PLA1A: variants seen among roughly 807,000 people sequenced by gnomAD.
PLA1A encodes phosphatidylserine-specific phospholipase A1alpha.
PLA1A carries 47 observed loss-of-function variants against 49.4 expected under a neutral mutation model. The observed-to-expected ratio is 0.95, with a 90% CI of 0.75 to 1.21. The LOEUF is 1.21. Among genes scored for constraint, PLA1A ranks in the 50% most tolerant of loss-of-function variants. PLA1A has a pLI of 0.00. For synonymous variants in PLA1A, 224 were observed against 207.9 expected (o/e 1.08, Z -0.67); for missense variants, 561 against 563.9 (o/e 0.99, Z 0.05).
At position 119,602,533 on chromosome 3, in the gene PLA1A, G is replaced by T. The variant is rs559706913; in HGVS notation, c.74-4241G>T. 7.2e-5 allele frequency among the ~76,000 whole-genome samples: 11 copies of T among 151,798 alleles called. No homozygotes were observed. In the South Asian group the frequency reaches 2.3e-3, roughly 32 times the overall value. On this transcript the variant is annotated intron_variant, in intron 1 of 10. Transcript: ENST00000273371. ...TATTGTTTACTTTTAACTTCCCTTT[G>T]TTCTGTTACTCTGTCTTATCAAAAG...
chr3:119,627,884 C>T (rs943505043), intron 9 of PLA1A, among the ~76,000 whole-genome samples: 1 of 152,192 alleles, frequency 6.6e-6, no homozygotes, highest in Admixed American at 6.5e-5. Flanking sequence ...TCTCCAGTAC[C>T]TAGTACCTAG....
chr3:119,628,653 G>T, intron 9 of PLA1A, 48 bp from the exon 10 acceptor site: 2 of 1,573,086 alleles, frequency 1.3e-6, no homozygotes, highest in Non-Finnish European at 1.7e-6. Flanking sequence ...GGAAGTACAG[G>T]TGGTAAGGGC....
At chr3:119,598,960 T>G (rs75818941) in intron 1 of PLA1A, among the ~76,000 whole-genome samples, 2,846 of 152,210 alleles carry the variant, frequency 0.019, 76 homozygotes, top group African/African-American at 0.064. Context: ...CTACCTCAAT[T>G]AGTTGTCCCT....
chr3:119,608,275 AG>A (rs1340877770), intron 2 of PLA1A, among the ~76,000 whole-genome samples: 1 of 151,674 alleles, frequency 6.6e-6, no homozygotes, highest in East Asian at 1.9e-4. Context: ...AAAGAAAGAA[AG>A]AAAGAAAGAA....
At chr3:119,609,233 C>T (rs569885004) in intron 3 of PLA1A, among the ~76,000 whole-genome samples, 1 of 151,990 alleles carries the variant, frequency 6.6e-6, no homozygotes, top group Admixed American at 6.5e-5. Context: ...TGGCCATGGT[C>T]GTTACTCACA....
At chr3:119,616,828 T>C (rs563927469) in intron 6 of PLA1A, among the ~76,000 whole-genome samples, 1 of 152,388 alleles carries the variant, frequency 6.6e-6, no homozygotes, top group Non-Finnish European at 1.5e-5. Flanking sequence ...TAAAATAGGA[T>C]AGTTTGGTTT....
At chr3:119,614,885 G>A (rs1577146549) in intron 5 of PLA1A, among the ~76,000 whole-genome samples, 1 of 152,216 alleles carries the variant, frequency 6.6e-6, no homozygotes, top group Admixed American at 6.5e-5. Context: ...GAGTCATGAA[G>A]GGAAGCCCGG....
At chr3:119,619,418 C>T (rs76752760) in intron 7 of PLA1A, 145 bp from the exon 8 acceptor site, 24,556 of 674,424 alleles carry the variant, frequency 0.036, 604 homozygotes, top group Non-Finnish European at 0.048. Flanking sequence ...CCAGGACTCA[C>T]CTTAGAATAC....
intron 9 of PLA1A, among the ~76,000 whole-genome samples, chr3:119,628,291 T>C (rs2052572700): frequency 6.6e-6 from 1 of 152,230 alleles, no homozygotes; most frequent in South Asian, 2.1e-4. Flanking sequence ...CACACATTCA[T>C]ACTTAGCCTA....
At chr3:119,613,479 AG>A (rs1245217360) in intron 5 of PLA1A, among the ~76,000 whole-genome samples, 2 of 152,236 alleles carry the variant, frequency 1.3e-5, no homozygotes, top group Non-Finnish European at 2.9e-5. Context: ...AAGATTTTTT[AG>A]GATGGGTGTG....
chr3:119,598,303 TC>T (rs1026464133), intron 1 of PLA1A, among the ~76,000 whole-genome samples: 1 of 152,200 alleles, frequency 6.6e-6, no homozygotes, highest in Non-Finnish European at 1.5e-5. Flanking sequence ...TATTCATTTT[TC>T]ACCCCATAAA....
intron 1 of PLA1A, among the ~76,000 whole-genome samples, chr3:119,604,716 T>C (rs1463850869): frequency 2.6e-5 from 4 of 152,200 alleles, no homozygotes; most frequent in Non-Finnish European, 1.5e-5. Flanking sequence ...TTCTTTTACC[T>C]GAATATAAAA....
In PLA1A at chr3:119,629,498, A is replaced by ATATTTTTTTT; in HGVS notation, c.*31_*32insATTTTTTTTT. The ATATTTTTTTT allele has an allele frequency of 2.3e-6, 2 of 876,098 alleles. No individual in the cohort carries two copies. Among genetic ancestry groups the ATATTTTTTTT allele is most frequent in the Non-Finnish European group, 3.5e-6 (2 of 566,666 alleles). The allele number at this position is 876,098 out of a possible 1,614,324, so 54.3% of individuals were successfully genotyped here. A position where few individuals can be genotyped will look rare whatever the true frequency, so the allele number is the denominator to read the frequency against. On this transcript the variant is annotated 3_prime_UTR_variant, in exon 11 of 11. Transcript: ENST00000273371. ...ACCTGGGCAGGACACATCTCCCTGC[A>ATATTTTTTTT]TTTTTTTTTTTTTTTTGAGAGAGAG...
At chr3:119,612,289 G>GCA (rs2082777058) in intron 4 of PLA1A, among the ~76,000 whole-genome samples, 1 of 152,122 alleles carries the variant, frequency 6.6e-6, no homozygotes, top group African/African-American at 2.4e-5. Context: ...GGAAGGGAAG[G>GCA]GATCCAAACT....
chr3:119,618,092 A>G lies in PLA1A; in HGVS notation c.828A>G (p.Pro276=). 1 of 1,613,920 alleles carries G rather than the reference A, an allele frequency of 6.2e-7. No individual in the cohort carries two copies. The highest frequency in any genetic ancestry group is 2.2e-5 in the East Asian group (1 of 44,874). Residue 276 remains proline (P), a synonymous_variant, in exon 7 of 11, where the codon CCA becomes CCG. Transcript: ENST00000273371. ...LYISALENSC[P]LMAFPCASYK... ...TCAGCGCCCTGGAGAATTCCTGTCC[A>G]CTGATGGCCTTTCCCTGTGCCAGCT... is the stretch of plus-strand genomic sequence containing the variant.
At chr3:119,613,775 C>T (rs936929453) in intron 5 of PLA1A, among the ~76,000 whole-genome samples, 1 of 152,162 alleles carries the variant, frequency 6.6e-6, no homozygotes, top group Admixed American at 6.5e-5. Context: ...CGCCTGTAGT[C>T]CCAGCTACTC....
At chr3:119,607,828 G>C (rs994250891) in intron 2 of PLA1A, among the ~76,000 whole-genome samples, 1 of 152,094 alleles carries the variant, frequency 6.6e-6, no homozygotes, top group East Asian at 1.9e-4. Flanking sequence ...ATCAGGCAAG[G>C]CACTCTGTCT....
intron 2 of PLA1A, among the ~76,000 whole-genome samples, chr3:119,608,256 GAA>G (rs1409819863): frequency 6.9e-6 from 1 of 143,918 alleles, no homozygotes; most frequent in African/African-American, 2.6e-5. Context: ...AAGAAAGAAA[GAA>G]AGAAAGAAAG....
At chr3:119,608,535 G>A (rs1159745380) in intron 2 of PLA1A, among the ~76,000 whole-genome samples, 2 of 152,218 alleles carry the variant, frequency 1.3e-5, no homozygotes, top group African/African-American at 4.8e-5. Flanking sequence ...CATCTGCCTG[G>A]AACAAAAGGC....
Sources: allele counts gnomAD v4.1 joint callset (sites outside exome capture counted in the v4.1 genomes callset), GRCh38; gene constraint gnomAD v4.1.1; transcripts MANE v1.5; gene names NCBI Gene and HGNC (gene_info 2026-07-23, HGNC 2026-07-21).